Variants in ATXN1 observed in about 807,000 individuals in gnomAD.
ATXN1 encodes ataxin-1.
Under a neutral mutation model 56.4 loss-of-function variants are expected in ATXN1, and 8 were observed. The ratio of observed to expected loss-of-function variants is 0.14; its 90% CI spans 0.08 to 0.26. The LOEUF (loss-of-function observed/expected upper bound fraction) is 0.26, where lower values mean the gene tolerates loss of function less well. Among genes scored for constraint, ATXN1 ranks in the 10% least tolerant of loss-of-function variants. The probability of loss-of-function intolerance (pLI) is 1.00; values close to 1 mark genes in which losing one functional copy is unlikely to be tolerated. For synonymous variants in ATXN1, 514 were observed against 494.6 expected (o/e 1.04, Z -0.52); for missense variants, 987 against 1,106.5 (o/e 0.89, Z 1.53).
chr6:16,520,805 G>A (rs979453373), intron 5 of ATXN1, among the ~76,000 whole-genome samples: 2 of 152,112 alleles, frequency 1.3e-5, no homozygotes, highest in Middle Eastern at 3.2e-3. Context: ...CTGTGGACAG[G>A]AGCGATCAAT....
At chr6:16,562,139 C>T (rs1291810617) in intron 4 of ATXN1, among the ~76,000 whole-genome samples, 3 of 151,766 alleles carry the variant, frequency 2.0e-5, no homozygotes, top group African/African-American at 4.8e-5. Context: ...TTTGGGAGGC[C>T]GAGGCAGGCG....
At position 16,550,502 on chromosome 6, in the gene ATXN1, C is replaced by A. The variant is rs113043694; in HGVS notation, c.-360-27814G>T. On this transcript the variant is annotated intron_variant, in intron 4 of 7. Coordinates refer to ENST00000436367, the MANE Select transcript of ATXN1 (RefSeq NM_001128164.2). ...CATAATTATTAGGCCATAAGTGAGA[C>A]CATGATGGTTACTGTTGACTATGCT... Among the ~76,000 whole-genome samples the A allele has an allele frequency of 3.0e-3, 452 of 152,300 alleles. 1 individual carries two copies. The highest frequency in any genetic ancestry group is 0.01 in the African/African-American group (420 of 41,552).
At chr6:16,705,810 T>C (rs531089) in intron 2 of ATXN1, among the ~76,000 whole-genome samples, 71,762 of 151,924 alleles carry the variant, frequency 0.47, 17,504 homozygotes, top group Middle Eastern at 0.61. Context: ...TTTCTACAAC[T>C]GCTTCCTCTC....
chr6:16,312,626 G>A (rs1261388830), intron 7 of ATXN1, among the ~76,000 whole-genome samples: 14 of 152,138 alleles, frequency 9.2e-5, no homozygotes, highest in African/African-American at 2.9e-4. Flanking sequence ...CGAGGCGGGC[G>A]GATCACCTGA....
At chr6:16,635,241 G>A (rs1356373749) in intron 3 of ATXN1, among the ~76,000 whole-genome samples, 1 of 152,050 alleles carries the variant, frequency 6.6e-6, no homozygotes, top group Non-Finnish European at 1.5e-5. Flanking sequence ...CCCCTAGATG[G>A]GACCGTTTTG....
At chr6:16,505,497 A>G (rs1298887243) in intron 5 of ATXN1, among the ~76,000 whole-genome samples, 1 of 152,194 alleles carries the variant, frequency 6.6e-6, no homozygotes, top group Non-Finnish European at 1.5e-5. Flanking sequence ...TGGAAGGTTA[A>G]GTGCACTGGC....
chr6:16,660,524 T>C (rs935225208), intron 2 of ATXN1, among the ~76,000 whole-genome samples: 3 of 152,218 alleles, frequency 2.0e-5, no homozygotes, highest in African/African-American at 4.8e-5. Context: ...CTTAATGTTG[T>C]AGCTAATTGG....
intron 6 of ATXN1, among the ~76,000 whole-genome samples, chr6:16,411,682 T>C (rs1011889389): frequency 6.6e-6 from 1 of 152,176 alleles, no homozygotes; most frequent in African/African-American, 2.4e-5. Context: ...CTTCTGCCCA[T>C]AGCTGGCCTG....
At position 16,327,687 on chromosome 6, in the gene ATXN1, C is replaced by CTGA. The variant is rs750728642; in HGVS notation, c.623_624insTCA (p.Gln207_Gln208insHis). On this transcript the variant is annotated inframe_insertion, in exon 7 of 8. Transcript: ENST00000436367. Reference sequence around the variant, plus strand: ...GCTGCTGCTGCTGCTGATGCTGATGCTGCTGCTGCTGCTGCTGCTGCTGCT... The same window carrying CTGA: ...GCTGCTGCTGCTGCTGATGCTGATGCTGATGCTGCTGCTGCTGCTGCTGCTGCT... 1,638 of 1,215,182 alleles carry CTGA rather than the reference C, an allele frequency of 1.3e-3. 3 individuals carry two copies. The highest frequency in any genetic ancestry group is 6.8e-3 in the African/African-American group (333 of 49,314). 75.3% of individuals were successfully genotyped at this position (1,215,182 alleles called of 1,614,324 possible). A position where few individuals can be genotyped will look rare whatever the true frequency, so the allele number is the denominator to read the frequency against.
At chr6:16,683,189 G>A (rs2113403964) in intron 2 of ATXN1, among the ~76,000 whole-genome samples, 1 of 152,168 alleles carries the variant, frequency 6.6e-6, no homozygotes, top group South Asian at 2.1e-4. Flanking sequence ...CTGTGTTTAG[G>A]GTTCAAATCT....
At position 16,388,388 on chromosome 6, in the gene ATXN1, G is replaced by A. The variant is rs182624316; in HGVS notation, c.-160-59918C>T. ...ACACATGAAATTCCTCAAAAAAACT[G>A]AGGATCAAGTGGTGGTTTCTCTGAG... On this transcript the variant is annotated intron_variant, in intron 6 of 7. Transcript: ENST00000436367. Among the ~76,000 whole-genome samples the A allele has an allele frequency of 3.0e-3, 459 of 152,316 alleles. 1 individual carries two copies. Among genetic ancestry groups the A allele is most frequent in the Non-Finnish European group, 4.1e-3 (277 of 68,038 alleles).
At chr6:16,661,675 T>G (rs1233983577) in intron 2 of ATXN1, among the ~76,000 whole-genome samples, 7 of 152,184 alleles carry the variant, frequency 4.6e-5, no homozygotes, top group Admixed American at 6.5e-5. Context: ...TACATGAAGA[T>G]GGTGGCTTCC....
At chr6:16,463,333 G>A (rs930773553) in intron 6 of ATXN1, among the ~76,000 whole-genome samples, 20 of 152,168 alleles carry the variant, frequency 1.3e-4, no homozygotes, top group Admixed American at 2.0e-4. Flanking sequence ...TAACATTACC[G>A]CAGGAAATCA....
chr6:16,736,030 C>T (rs1380864392), intron 2 of ATXN1, among the ~76,000 whole-genome samples: 1 of 152,166 alleles, frequency 6.6e-6, no homozygotes. Flanking sequence ...AAAGACCCTT[C>T]TGATTTAAAT....
intron 3 of ATXN1, among the ~76,000 whole-genome samples, chr6:16,605,586 A>T (rs1214651129): frequency 6.6e-5 from 10 of 152,250 alleles, no homozygotes; most frequent in African/African-American, 2.4e-4. Flanking sequence ...GCATGGGGGA[A>T]GAGGTATGCT....
chr6:16,370,209 G>C (rs1762010743), intron 6 of ATXN1, among the ~76,000 whole-genome samples: 1 of 152,326 alleles, frequency 6.6e-6, no homozygotes, highest in South Asian at 2.1e-4. Flanking sequence ...GACCCCGACA[G>C]AGCCTGGCAG....
chr6:16,520,934 G>T (rs1048829767), intron 5 of ATXN1, among the ~76,000 whole-genome samples: 2 of 152,090 alleles, frequency 1.3e-5, no homozygotes, highest in South Asian at 2.1e-4. Context: ...ATCAAGTTCC[G>T]CAATAATGAC....
At chr6:16,346,606 G>T (rs1561861033) in intron 6 of ATXN1, among the ~76,000 whole-genome samples, 1 of 152,196 alleles carries the variant, frequency 6.6e-6, no homozygotes, top group Non-Finnish European at 1.5e-5. Flanking sequence ...GGGCTAACTG[G>T]CATTTGATAA....
chr6:16,484,319 A>T (rs1306348573), intron 6 of ATXN1, among the ~76,000 whole-genome samples: 1 of 152,190 alleles, frequency 6.6e-6, no homozygotes, highest in Non-Finnish European at 1.5e-5. Context: ...CTGTGGTCCC[A>T]GCTACTCTGA....
Sources: gnomAD v4.1 joint callset for allele counts (sites outside exome capture counted in the v4.1 genomes callset) on GRCh38, gnomAD v4.1.1 for gene constraint, MANE v1.5 for transcripts, NCBI Gene and HGNC (gene_info 2026-07-23, HGNC 2026-07-21) for gene names.